The following NALF1 variants were observed in gnomAD, a reference collection of about 807,000 sequenced individuals.
NALF1 encodes the protein family with sequence similarity 155 member A.
Under a neutral mutation model 48.4 loss-of-function variants are expected in NALF1, and 3 were observed. That is an observed-to-expected ratio of 0.06 (90% CI 0.03 to 0.16). The LOEUF (loss-of-function observed/expected upper bound fraction) is 0.16, where lower values mean the gene tolerates loss of function less well. NALF1 is among the 10% of genes least tolerant of loss of function. The probability of loss-of-function intolerance (pLI) is 1.00; values close to 1 mark genes in which losing one functional copy is unlikely to be tolerated. For missense variants in NALF1, 526 were observed against 571.5 expected (o/e 0.92, Z 0.81); for synonymous variants, 262 against 245.7 (o/e 1.07, Z -0.62).
At chr13:107,552,761 G>A (rs1246633224) in intron 1 of NALF1, among the ~76,000 whole-genome samples, 3 of 152,106 alleles carry the variant, frequency 2.0e-5, no homozygotes, top group South Asian at 2.1e-4. Context: ...ATAAAGTGGT[G>A]CAAGTTTTTT....
chr13:107,767,550 T>A (rs929977394), intron 1 of NALF1, among the ~76,000 whole-genome samples: 6 of 152,200 alleles, frequency 3.9e-5, no homozygotes, highest in Non-Finnish European at 8.8e-5. Flanking sequence ...GTATACCTTA[T>A]GAGAAGAATC....
At chr13:107,536,423 T>C (rs1876813540) in intron 1 of NALF1, among the ~76,000 whole-genome samples, 1 of 152,076 alleles carries the variant, frequency 6.6e-6, no homozygotes. Flanking sequence ...GCAAAGGATA[T>C]GAACAGACAC....
chr13:107,284,093 G>C (rs192648724), intron 1 of NALF1, among the ~76,000 whole-genome samples: 190 of 152,254 alleles, frequency 1.2e-3, no homozygotes, highest in African/African-American at 4.2e-3. Flanking sequence ...GATTATGGCT[G>C]ACATACGATC....
In NALF1 at chr13:107,613,217, A is replaced by G. The variant is rs542182275; in HGVS notation, c.915+252465T>C. ...CTTTTTTCCTAATGAAATTGCAAATATTTTGTTATGTTTAATCTTGAATGA... is the reference window on the plus strand; with the variant it reads ...CTTTTTTCCTAATGAAATTGCAAATGTTTTGTTATGTTTAATCTTGAATGA... On this transcript the variant is annotated intron_variant, in intron 1 of 2. Coordinates refer to ENST00000375915, the MANE Select transcript of NALF1 (RefSeq NM_001080396.3). 2.6e-5 allele frequency among the ~76,000 whole-genome samples: 4 copies of G among 152,282 alleles called. No individual in the cohort carries two copies. In the South Asian group the frequency reaches 8.3e-4, roughly 32 times the overall value.
intron 1 of NALF1, among the ~76,000 whole-genome samples, chr13:107,847,166 A>C (rs1282554933): frequency 6.6e-6 from 1 of 152,188 alleles, no homozygotes; most frequent in Non-Finnish European, 1.5e-5. Flanking sequence ...ATGCAGAATA[A>C]TGCCTAATAA....
chr13:107,737,544 T>G (rs909299678), intron 1 of NALF1, among the ~76,000 whole-genome samples: 8 of 152,204 alleles, frequency 5.3e-5, no homozygotes, highest in African/African-American at 1.9e-4. Context: ...GCCATTTATA[T>G]TTTTTACTTT....
intron 1 of NALF1, among the ~76,000 whole-genome samples, chr13:107,836,564 A>T (rs1305633513): frequency 2.0e-5 from 3 of 152,150 alleles, no homozygotes; most frequent in Admixed American, 6.5e-5. Flanking sequence ...TTATAAAAAA[A>T]TAAAATTTAA....
chr13:107,499,885 A>G (rs1286370867), intron 1 of NALF1, among the ~76,000 whole-genome samples: 1 of 152,112 alleles, frequency 6.6e-6, no homozygotes, highest in Non-Finnish European at 1.5e-5. Context: ...GTTATTTTAA[A>G]ATAATATGCT....
At chr13:107,497,786 T>C (rs546730149) in intron 1 of NALF1, among the ~76,000 whole-genome samples, 8 of 152,210 alleles carry the variant, frequency 5.3e-5, no homozygotes, top group Non-Finnish European at 7.3e-5. Flanking sequence ...TAACTTCATA[T>C]GCTTACAGCT....
intron 1 of NALF1, among the ~76,000 whole-genome samples, chr13:107,613,002 GAAA>G (rs5806669): frequency 1.7e-4 from 22 of 132,970 alleles, no homozygotes; most frequent in African/African-American, 6.0e-4. Context: ...CCCACAATGA[GAAA>G]AAAAAAAAAG....
chr13:107,675,274 C>T (rs75275097), intron 1 of NALF1, among the ~76,000 whole-genome samples: 4 of 152,118 alleles, frequency 2.6e-5, no homozygotes, highest in African/African-American at 7.2e-5. Context: ...AGCTTGCCCC[C>T]CACTGGGCTA....
At chr13:107,560,947 C>A (rs537193412) in intron 1 of NALF1, among the ~76,000 whole-genome samples, 2 of 152,178 alleles carry the variant, frequency 1.3e-5, no homozygotes, top group Admixed American at 6.5e-5. Flanking sequence ...CCACCATTAA[C>A]CCCGTATGTT....
intron 2 of NALF1, among the ~76,000 whole-genome samples, chr13:107,204,110 G>A (rs556948765): frequency 2.0e-5 from 3 of 149,116 alleles, no homozygotes; most frequent in South Asian, 2.1e-4. Flanking sequence ...AGAGAGGGGC[G>A]CCCACAAGCT....
In NALF1 at chr13:107,264,744, C is replaced by A. The variant is rs754313089; in HGVS notation, c.916-53989G>T. Among the ~76,000 whole-genome samples, 10 of 152,192 alleles carry A rather than the reference C, an allele frequency of 6.6e-5. 1 individual carries two copies. The highest frequency in any genetic ancestry group is 1.5e-4 in the Non-Finnish European group (10 of 68,024). ...ACTCAGGTTTTTGCCTTTATCATTT[C>A]TAACATATGCATCGAATTACATTAC... On this transcript the variant is annotated intron_variant, in intron 1 of 2. Coordinates refer to ENST00000375915, the MANE Select transcript of NALF1 (RefSeq NM_001080396.3).
intron 1 of NALF1, among the ~76,000 whole-genome samples, chr13:107,610,435 A>C (rs1052602954): frequency 3.3e-5 from 5 of 151,842 alleles, no homozygotes; most frequent in Admixed American, 2.6e-4. Context: ...AGATCTCTAA[A>C]ACATAATTTC....
At chr13:107,627,648 T>C (rs1190856762) in intron 1 of NALF1, among the ~76,000 whole-genome samples, 2 of 152,098 alleles carry the variant, frequency 1.3e-5, no homozygotes, top group African/African-American at 4.8e-5. Context: ...GCTTTAAAAA[T>C]GTCACTTAAA....
intron 1 of NALF1, among the ~76,000 whole-genome samples, chr13:107,692,318 T>G (rs1881586619): frequency 6.6e-6 from 1 of 152,126 alleles, no homozygotes; most frequent in Non-Finnish European, 1.5e-5. Flanking sequence ...TTAGTACATC[T>G]AAAATAGAAT....
chr13:107,411,318 T>A lies in NALF1; in HGVS notation c.916-200563A>T, dbSNP rs67044962. On this transcript the variant is annotated intron_variant, in intron 1 of 2. Transcript: ENST00000375915. Reference sequence around the variant, plus strand: ...AGAATCTTGTTTTTTTTTTTTTTTTTAATCAAGACAGGGTCTTGCATCTTG... The same window carrying A: ...AGAATCTTGTTTTTTTTTTTTTTTTAAATCAAGACAGGGTCTTGCATCTTG... Among the ~76,000 whole-genome samples the A allele has an allele frequency of 1.5e-3, 206 of 138,934 alleles. 1 individual carries two copies. The highest frequency in any genetic ancestry group is 2.2e-3 in the Admixed American group (31 of 13,990). The allele number at this position is 138,934 out of a possible 152,430, so 91.1% of individuals were successfully genotyped here.
At chr13:107,299,329 G>A (rs1299010630) in intron 1 of NALF1, among the ~76,000 whole-genome samples, 1 of 151,888 alleles carries the variant, frequency 6.6e-6, no homozygotes, top group Non-Finnish European at 1.5e-5. Flanking sequence ...TATTCGGGAG[G>A]CTGAGGCAGG....
Sources: gnomAD v4.1 joint callset for allele counts (sites outside exome capture counted in the v4.1 genomes callset) on GRCh38, gnomAD v4.1.1 for gene constraint, MANE v1.5 for transcripts, NCBI Gene and HGNC (gene_info 2026-07-23, HGNC 2026-07-21) for gene names.